The following PACRGL variants were observed in gnomAD, a reference collection of about 807,000 sequenced individuals.
The protein encoded by PACRGL is parkin coregulated like, also known as PACRG-like protein.
In PACRGL, 38 loss-of-function variants were observed where a neutral mutation model predicts 34.5. The ratio of observed to expected loss-of-function variants is 1.10; its 90% CI spans 0.85 to 1.44. The LOEUF is 1.44. Ranked by LOEUF, PACRGL falls within the 40% of genes most tolerant of loss-of-function variation. PACRGL has a pLI of 0.00. For synonymous variants in PACRGL, 128 were observed against 100.1 expected (o/e 1.28, Z -1.66); for missense variants, 305 against 281.4 (o/e 1.08, Z -0.60).
intron 5 of PACRGL, 46 bp from the exon 6 acceptor site, chr4:20,712,742 A>G (rs1348570042): frequency 7.4e-7 from 1 of 1,359,918 alleles, no homozygotes; most frequent in Non-Finnish European, 9.6e-7. Flanking sequence ...TGTTATTAGC[A>G]TAATGAAATG....
intron 7 of PACRGL, among the ~76,000 whole-genome samples, chr4:20,723,306 C>G (rs1158682278): frequency 6.6e-6 from 1 of 152,166 alleles, no homozygotes; most frequent in Non-Finnish European, 1.5e-5. Flanking sequence ...TAATAATAAT[C>G]TCTTGCACTC....
chr4:20,762,008 A>G, the PACRGL span, among the ~76,000 whole-genome samples: 1 of 152,210 alleles, frequency 6.6e-6, no homozygotes, highest in African/African-American at 2.4e-5. Flanking sequence ...ACCTCTATCC[A>G]ACTAGAAGAA....
In PACRGL at chr4:20,728,766, A is replaced by C; in HGVS notation, c.*1425A>C. 1 of 152,566 alleles carries C rather than the reference A, an allele frequency of 6.6e-6. No homozygotes were observed. Among genetic ancestry groups the C allele is most frequent in the Non-Finnish European group, 1.5e-5 (1 of 68,018 alleles). 9.5% of individuals were successfully genotyped at this position (152,566 alleles called of 1,614,324 possible). A position where few individuals can be genotyped will look rare whatever the true frequency, so the allele number is the denominator to read the frequency against. Reference sequence around the variant, plus strand: ...ATAGCAGGGCAGCTTTCAACATCCTATCTCTACACCAGAATAGATACCTGA... The same window carrying C: ...ATAGCAGGGCAGCTTTCAACATCCTCTCTCTACACCAGAATAGATACCTGA... On this transcript the variant is annotated 3_prime_UTR_variant, in exon 9 of 9. Transcript: ENST00000503585.
downstream of PACRGL, among the ~76,000 whole-genome samples, chr4:20,754,953 A>T (rs1754252962): frequency 6.6e-6 from 1 of 152,216 alleles, no homozygotes; most frequent in Non-Finnish European, 1.5e-5. Context: ...GATAGTAAAT[A>T]TAATTTTTCT....
At chr4:20,750,235 G>A (rs541940316) in intron 8 of PACRGL, among the ~76,000 whole-genome samples, 1 of 152,210 alleles carries the variant, frequency 6.6e-6, no homozygotes, top group Non-Finnish European at 1.5e-5. Context: ...AAGTCACACA[G>A]TGAAGAAGGA....
At position 20,727,601 on chromosome 4, in the gene PACRGL, T is replaced by C. The variant is rs1330571172; in HGVS notation, c.*260T>C. ...TTATTATTTGTGCGAAGAACCATTA[T>C]TGAGTTTGCAAGATAAGATGTATTT... On this transcript the variant is annotated 3_prime_UTR_variant, in exon 9 of 9. Coordinates refer to ENST00000503585, the MANE Select transcript of PACRGL (RefSeq NM_001258345.3). The C allele has an allele frequency of 8.8e-6, 3 of 342,460 alleles. No individual in the cohort carries two copies. Among genetic ancestry groups the C allele is most frequent in the African/African-American group, 2.1e-5 (1 of 48,306 alleles). The allele number at this position is 342,460 out of a possible 1,614,324, so 21.2% of individuals were successfully genotyped here.
downstream of PACRGL, among the ~76,000 whole-genome samples, chr4:20,735,496 A>C (rs1461752289): frequency 1.3e-5 from 2 of 150,998 alleles, no homozygotes; most frequent in African/African-American, 2.4e-5. Context: ...TGGCCAGATT[A>C]ACTTGATTAA....
the PACRGL span, among the ~76,000 whole-genome samples, chr4:20,764,755 C>T: frequency 6.6e-6 from 1 of 151,682 alleles, no homozygotes; most frequent in Non-Finnish European, 1.5e-5. Context: ...TGAATCCAAT[C>T]GTCATTCTGA....
intron 8 of PACRGL, chr4:20,749,882 T>C (rs1428821607): frequency 3.8e-6 from 2 of 521,290 alleles, no homozygotes; most frequent in East Asian, 3.0e-5. Context: ...CCTCTTTCTG[T>C]AGAGGACTAG....
chr4:20,697,464 T>C (rs369848562), upstream of PACRGL, among the ~76,000 whole-genome samples: 7 of 152,162 alleles, frequency 4.6e-5, no homozygotes, highest in East Asian at 9.6e-4. Context: ...GTTAGATTTA[T>C]TACCTAACTC....
intron 7 of PACRGL, among the ~76,000 whole-genome samples, chr4:20,715,449 C>G (rs1292002924): frequency 6.6e-6 from 1 of 151,852 alleles, no homozygotes; most frequent in East Asian, 1.9e-4. Flanking sequence ...TAAAAAAAAC[C>G]TTAAAAATCT....
chr4:20,703,257 G>A (rs902278682), intron 1 of PACRGL, among the ~76,000 whole-genome samples: 8 of 152,128 alleles, frequency 5.3e-5, no homozygotes, highest in Admixed American at 1.3e-4. Context: ...CTATACTTGA[G>A]AGGCAGTCAT....
chr4:20,759,076 A>T, the PACRGL span, among the ~76,000 whole-genome samples: 3 of 152,216 alleles, frequency 2.0e-5, no homozygotes, highest in African/African-American at 7.2e-5. Context: ...CACAAGAAAA[A>T]AAAACGTAGA....
At chr4:20,755,649 C>T (rs140484876), downstream of PACRGL, among the ~76,000 whole-genome samples, 34 of 152,076 alleles carry the variant, frequency 2.2e-4, no homozygotes, top group East Asian at 6.6e-3. Context: ...CGAAAAGAGA[C>T]ATAAAGCAGG....
chr4:20,736,004 A>G (rs1411281932), downstream of PACRGL, among the ~76,000 whole-genome samples: 1 of 152,132 alleles, frequency 6.6e-6, no homozygotes, highest in Non-Finnish European at 1.5e-5. Flanking sequence ...CTGTATTTCT[A>G]TCTGAATTTC....
At chr4:20,735,518 G>GTTTT (rs754949562), downstream of PACRGL, among the ~76,000 whole-genome samples, 1 of 130,808 alleles carries the variant, frequency 7.6e-6, no homozygotes. Context: ...TTCATTTAGT[G>GTTTT]TTTTTTTTTT....
rs748688116 is a variant in PACRGL at position 20,732,074 on chromosome 4, C to G, written c.*4733C>G. On this transcript the variant is annotated 3_prime_UTR_variant, in exon 9 of 9. Coordinates refer to ENST00000503585, the MANE Select transcript of PACRGL (RefSeq NM_001258345.3). The stretch of plus-strand genomic sequence containing the variant: ...TCTTTATTTTTGTCCATTTTCTGTT[C>G]AGGAAGAAAACAAAAATTGTATTTA... 7.0e-6 allele frequency: 11 copies of G among 1,574,178 alleles called. No individual in the cohort carries two copies. In the Middle Eastern group the frequency reaches 5.0e-4, roughly 72 times the overall value.
At chr4:20,749,766 G>T (rs1560433113) in intron 8 of PACRGL, 2 of 1,435,200 alleles carry the variant, frequency 1.4e-6, no homozygotes, top group East Asian at 2.3e-5. Context: ...CATTAAGTCA[G>T]TGTTTCCATA....
chr4:20,763,260 T>A, the PACRGL span, among the ~76,000 whole-genome samples: 1 of 152,196 alleles, frequency 6.6e-6, no homozygotes, highest in South Asian at 2.1e-4. Context: ...TTTTACAGTA[T>A]TTTGCTTTTT....
Sources: allele counts gnomAD v4.1 joint callset (sites outside exome capture counted in the v4.1 genomes callset), GRCh38; gene constraint gnomAD v4.1.1; transcripts MANE v1.5; gene names NCBI Gene and HGNC (gene_info 2026-07-23, HGNC 2026-07-21).